Variants in LOC128071547 observed in about 807,000 individuals in gnomAD.
the LOC128071547 span, chr12:120,534,908 G>C: frequency 6.2e-7 from 1 of 1,607,450 alleles, no homozygotes; most frequent in Admixed American, 1.7e-5. Context: ...CAGCAGCAAA[G>C]GGCAACAGCC....
At chr12:120,534,901 C>T in the LOC128071547 span, 1 of 1,607,792 alleles carries the variant, frequency 6.2e-7, no homozygotes, top group Non-Finnish European at 8.5e-7. Flanking sequence ...CTTCGGGCAG[C>T]AGCAAAGGGC....
the LOC128071547 span, chr12:120,534,937 G>A: frequency 6.2e-7 from 1 of 1,602,360 alleles, no homozygotes; most frequent in South Asian, 1.1e-5. Flanking sequence ...CCGCCTCGGC[G>A]GGGCCAGCCG....
the LOC128071547 span, chr12:120,534,800 A>C: frequency 7.0e-6 from 11 of 1,560,616 alleles, no homozygotes; most frequent in Non-Finnish European, 9.5e-6. Flanking sequence ...GTCGCCGCCG[A>C]GGCCCCCGTT....
At chr12:120,534,816 C>T in the LOC128071547 span, 1 of 1,580,468 alleles carries the variant, frequency 6.3e-7, no homozygotes. Flanking sequence ...CCGTTGATGC[C>T]GCTGAGCTCC....
the LOC128071547 span, chr12:120,534,811 G>C: frequency 1.3e-6 from 2 of 1,572,988 alleles, no homozygotes; most frequent in East Asian, 2.3e-5. Context: ...GGCCCCCGTT[G>C]ATGCCGCTGA....
the LOC128071547 span, chr12:120,534,807 C>A: frequency 6.4e-7 from 1 of 1,568,558 alleles, no homozygotes; most frequent in Admixed American, 1.9e-5. Flanking sequence ...CCGAGGCCCC[C>A]GTTGATGCCG....
the LOC128071547 span, chr12:120,534,826 C>T: frequency 1.3e-6 from 2 of 1,591,182 alleles, no homozygotes; most frequent in East Asian, 2.3e-5. Context: ...CGCTGAGCTC[C>T]CCCAACGCCG....
the LOC128071547 span, chr12:120,534,811 G>A: frequency 6.4e-7 from 1 of 1,572,988 alleles, no homozygotes; most frequent in Non-Finnish European, 8.6e-7. Flanking sequence ...GGCCCCCGTT[G>A]ATGCCGCTGA....
chr12:120,534,753 C>T, the LOC128071547 span: 1 of 1,512,212 alleles, frequency 6.6e-7, no homozygotes, highest in Non-Finnish European at 8.8e-7. Context: ...ACGCCATGAG[C>T]CTGGGTCCCC....
At chr12:120,534,899 A>G in the LOC128071547 span, 11 of 1,608,102 alleles carry the variant, frequency 6.8e-6, no homozygotes, top group South Asian at 1.1e-5. Context: ...CTCTTCGGGC[A>G]GCAGCAAAGG....
the LOC128071547 span, chr12:120,534,734 C>A: frequency 7.0e-7 from 1 of 1,429,708 alleles, no homozygotes; most frequent in East Asian, 2.9e-5. Context: ...CGACCCCCGC[C>A]GGCCCTGAAC....
the LOC128071547 span, chr12:120,534,835 C>T: frequency 6.3e-7 from 1 of 1,597,790 alleles, no homozygotes; most frequent in Admixed American, 1.7e-5. Flanking sequence ...CCCCCAACGC[C>T]GCCGCCACCG....
At chr12:120,534,772 C>T in the LOC128071547 span, 3 of 1,528,154 alleles carry the variant, frequency 2.0e-6, no homozygotes, top group East Asian at 2.5e-5. Context: ...CCGCCGCGCC[C>T]GCTCCGCTCC....
chr12:120,534,853 C>G, the LOC128071547 span: 3 of 1,607,198 alleles, frequency 1.9e-6, no homozygotes, highest in African/African-American at 4.0e-5. Flanking sequence ...CCGCCTCCGA[C>G]ATGGACAAGA....
At chr12:120,534,911 C>A in the LOC128071547 span, 1 of 1,607,176 alleles carries the variant, frequency 6.2e-7, no homozygotes. Context: ...CAGCAAAGGG[C>A]AACAGCCGCC....
the LOC128071547 span, chr12:120,534,757 G>T: frequency 6.6e-7 from 1 of 1,513,624 alleles, no homozygotes. Flanking sequence ...CATGAGCCTG[G>T]GTCCCCGCCG....
At chr12:120,534,725 G>C in the LOC128071547 span, 1 of 1,410,418 alleles carries the variant, frequency 7.1e-7, no homozygotes, top group Non-Finnish European at 9.1e-7. Flanking sequence ...TGCCGCCGCC[G>C]ACCCCCGCCG....
chr12:120,534,915 A>G, the LOC128071547 span: 11 of 1,606,480 alleles, frequency 6.8e-6, no homozygotes, highest in East Asian at 2.2e-5. Context: ...AAAGGGCAAC[A>G]GCCGCCCCGC....
the LOC128071547 span, chr12:120,534,883 C>T: frequency 6.2e-7 from 1 of 1,608,608 alleles, no homozygotes; most frequent in African/African-American, 1.3e-5. Context: ...CCAACAGCTC[C>T]TCCGCCTCTT....
Sources: allele counts gnomAD v4.1 joint callset, GRCh38; gene constraint gnomAD v4.1.1; transcripts MANE v1.5.